Variants in SMG7 observed in about 807,000 individuals in gnomAD.
SMG7 encodes the protein SMG7 nonsense mediated mRNA decay factor.
Under a neutral mutation model 148.2 loss-of-function variants are expected in SMG7, and 34 were observed. The ratio of observed to expected loss-of-function variants is 0.23; its 90% confidence interval spans 0.17 to 0.31. SMG7 has a LOEUF of 0.31. SMG7 is among the 10% of genes least tolerant of loss of function. The pLI, the probability that SMG7 is intolerant of heterozygous loss-of-function variation, is 1.00. For missense variants in SMG7, 1,114 were observed against 1,408.4 expected (o/e 0.79, Z 3.35); for synonymous variants, 492 against 515.1 (o/e 0.96, Z 0.61).
chr1:183,477,560 A>G (rs376892526), intron 1 of SMG7, among the ~76,000 whole-genome samples: 1 of 142,006 alleles, frequency 7.0e-6, no homozygotes, highest in Non-Finnish European at 1.5e-5. Context: ...ACGTGTGTGC[A>G]TATGTGTATA....
chr1:183,519,400 G>A (rs1292158449), intron 4 of SMG7, among the ~76,000 whole-genome samples: 7 of 151,504 alleles, frequency 4.6e-5, no homozygotes, highest in Non-Finnish European at 8.8e-5. Context: ...CTCGAGAGAG[G>A]GATTGGTCCT....
Position 183,528,161 on chromosome 1 carries a change from T to G in SMG7, c.556+134T>G, listed in dbSNP as rs1351748821. ...TTTTGTTATTGTCATGTTTTTCCAT[T>G]TAACTGTACATTCCATGTAAACTAA... On this transcript the variant is annotated intron_variant, in intron 6 of 22. Transcript: ENST00000688051. 1.8e-5 allele frequency: 9 copies of G among 509,172 alleles called. No homozygotes were observed. The African/African-American group carries it at 1.8e-4, about 10-fold the overall frequency. 31.5% of individuals were successfully genotyped at this position (509,172 alleles called of 1,614,324 possible).
At chr1:183,514,512 A>G (rs1331031628) in intron 2 of SMG7, among the ~76,000 whole-genome samples, 1 of 152,216 alleles carries the variant, frequency 6.6e-6, no homozygotes, top group African/African-American at 2.4e-5. Flanking sequence ...TTGAATTGGC[A>G]TTGAAAACAT....
chr1:183,515,054 A>G (rs1020880639), intron 2 of SMG7, among the ~76,000 whole-genome samples: 1 of 152,314 alleles, frequency 6.6e-6, no homozygotes, highest in Non-Finnish European at 1.5e-5. Context: ...ACTGTCAGTT[A>G]TTGCAATCAT....
At chr1:183,524,696 T>G (rs1158370003) in intron 4 of SMG7, among the ~76,000 whole-genome samples, 2 of 152,176 alleles carry the variant, frequency 1.3e-5, no homozygotes, top group Non-Finnish European at 2.9e-5. Context: ...GTCCAGTCGC[T>G]TGATTATTTC....
chr1:183,488,189 T>C (rs1413535310), intron 1 of SMG7, among the ~76,000 whole-genome samples: 1 of 152,244 alleles, frequency 6.6e-6, no homozygotes, highest in Non-Finnish European at 1.5e-5. Flanking sequence ...GCCTTTCAAA[T>C]GGTGACATGA....
chr1:183,539,064 C>T (rs1668306741), intron 12 of SMG7, among the ~76,000 whole-genome samples: 2 of 151,914 alleles, frequency 1.3e-5, no homozygotes, highest in African/African-American at 2.4e-5. Flanking sequence ...GCAGGAGAAT[C>T]GCTTGAACCC....
At chr1:183,524,237 C>T (rs1482663032) in intron 4 of SMG7, among the ~76,000 whole-genome samples, 3 of 152,058 alleles carry the variant, frequency 2.0e-5, no homozygotes, top group Non-Finnish European at 2.9e-5. Context: ...CTGCATGCCA[C>T]CACACGTGGC....
At chr1:183,507,226 A>G (rs924046503) in intron 1 of SMG7, among the ~76,000 whole-genome samples, 1 of 152,140 alleles carries the variant, frequency 6.6e-6, no homozygotes, top group Non-Finnish European at 1.5e-5. Context: ...GTTACCTAGC[A>G]TTGTTACATA....
chr1:183,479,444 C>T (rs1653512671), intron 1 of SMG7, among the ~76,000 whole-genome samples: 1 of 152,074 alleles, frequency 6.6e-6, no homozygotes, highest in African/African-American at 2.4e-5. Context: ...TAAATTCACC[C>T]CCAGTTGAGA....
At chr1:183,497,332 G>C (rs534873576) in intron 1 of SMG7, among the ~76,000 whole-genome samples, 1 of 152,152 alleles carries the variant, frequency 6.6e-6, no homozygotes, top group Non-Finnish European at 1.5e-5. Context: ...CAGCTTCATA[G>C]TGTTTTGATG....
At chr1:183,502,515 C>T (rs1659964478) in intron 1 of SMG7, 3 of 678,824 alleles carry the variant, frequency 4.4e-6, no homozygotes, top group Non-Finnish European at 4.4e-6. Context: ...TGGCCAAGAT[C>T]GGGATGGGGC....
At chr1:183,518,389 A>G (rs981625320) in intron 4 of SMG7, among the ~76,000 whole-genome samples, 3 of 152,240 alleles carry the variant, frequency 2.0e-5, no homozygotes, top group African/African-American at 7.2e-5. Flanking sequence ...TTAGTGAAAC[A>G]GTGGAAGTAG....
chr1:183,553,200 A>G lies in SMG7; in HGVS notation c.*1269A>G, dbSNP rs939130599. ...TGGAAGAGACGAAAGAAAGGAAAAT[A>G]AACTCTTTGTATGATATTTATTAGG... On this transcript the variant is annotated 3_prime_UTR_variant, in exon 23 of 23. Transcript: ENST00000688051. 5.2e-6 allele frequency: 8 copies of G among 1,534,914 alleles called. No individual in the cohort carries two copies. The African/African-American group carries it at 6.9e-5, about 13-fold the overall frequency.
At chr1:183,525,682 G>C (rs938409659) in intron 4 of SMG7, among the ~76,000 whole-genome samples, 1 of 152,100 alleles carries the variant, frequency 6.6e-6, no homozygotes, top group African/African-American at 2.4e-5. Flanking sequence ...AACCAGAAAA[G>C]AATGTAGCAA....
At position 183,506,463 on chromosome 1, in the gene SMG7, T is replaced by G. The variant is rs560528636; in HGVS notation, c.30-6374T>G. Reference sequence around the variant, plus strand: ...AATATTGCGAGACTTGATGTGTGTGTGGGTGTATACGCATGTGCACATTAA... The same window carrying G: ...AATATTGCGAGACTTGATGTGTGTGGGGGTGTATACGCATGTGCACATTAA... On this transcript the variant is annotated intron_variant, in intron 1 of 22. Transcript: ENST00000688051. Among the ~76,000 whole-genome samples, 3 of 152,256 alleles carry G rather than the reference T, an allele frequency of 2.0e-5. 1 individual carries two copies. The highest frequency in any genetic ancestry group is 6.8e-3 in the Middle Eastern group (2 of 294).
Position 183,544,383 on chromosome 1 carries a change from C to T in SMG7, c.1873C>T (p.Pro625Ser), listed in dbSNP as rs200413251. Residue 625 changes from proline to serine, a missense_variant, in exon 15 of 23, where the codon CCA becomes TCA. By Grantham distance (74) the Pro-to-Ser change is moderately conservative (BLOSUM62 -1). Around this residue, in one of 4 missense-constraint regions of SMG7, gnomAD observed 788 missense variants for 894.5 expected, o/e 0.88. Coordinates refer to ENST00000688051, the MANE Select transcript of SMG7 (RefSeq NM_001375584.1). ...ATCCCAGACAGAACTAAGAAAGACT[C>T]CAGTGTCTGAAGCCAGAAAAACACC... Reference protein sequence around the residue: ...VKSQTELRKTPVSEARKTPVT... With the variant: ...VKSQTELRKTSVSEARKTPVT... 6.2e-6 allele frequency: 10 copies of T among 1,613,826 alleles called. No homozygotes were observed. Among genetic ancestry groups the T allele is most frequent in the Admixed American group, 5.0e-5 (3 of 60,002 alleles).
chr1:183,477,780 G>A (rs1412801732), intron 1 of SMG7, among the ~76,000 whole-genome samples: 28 of 151,902 alleles, frequency 1.8e-4, no homozygotes, highest in Middle Eastern at 3.2e-3. Context: ...ATGTGTGTAT[G>A]TGTGTATGTA....
chr1:183,539,723 C>A, intron 12 of SMG7, among the ~76,000 whole-genome samples: 1 of 152,240 alleles, frequency 6.6e-6, no homozygotes, highest in Middle Eastern at 3.4e-3. Context: ...TCTGAAAAAC[C>A]CTTGTTTCTA....
Sources: gnomAD v4.1 joint callset for allele counts (sites outside exome capture counted in the v4.1 genomes callset) on GRCh38, gnomAD v4.1.1 for gene constraint, gnomAD v4.1.1 regional missense constraint, MANE v1.5 for transcripts, NCBI Gene and HGNC (gene_info 2026-07-23, HGNC 2026-07-21) for gene names.